SH3KBP1: variants seen among roughly 807,000 people sequenced by gnomAD.
SH3KBP1 encodes SH3 domain-containing kinase-binding protein 1.
A neutral mutation model predicts 50.1 loss-of-function variants in SH3KBP1; 8 were observed. The observed-to-expected ratio is 0.16, with a 90% confidence interval of 0.09 to 0.29. The LOEUF (loss-of-function observed/expected upper bound fraction) is 0.29. SH3KBP1 is among the 10% of genes least tolerant of loss of function. The pLI, the probability that SH3KBP1 is intolerant of heterozygous loss-of-function variation, is 1.00. For synonymous variants in SH3KBP1, 227 were observed against 218.6 expected (o/e 1.04, Z -0.34); for missense variants, 377 against 535.2 (o/e 0.70, Z 2.92).
At chrX:19,551,764 T>C (rs1239697421) in intron 13 of SH3KBP1, among the ~76,000 whole-genome samples, 1 of 109,739 alleles carries the variant, frequency 9.1e-6, no homozygotes, top group African/African-American at 3.3e-5. Context: ...TAAAAGGTTC[T>C]CCTCCAGACT....
chrX:19,620,451 G>T (rs981719854), intron 8 of SH3KBP1, among the ~76,000 whole-genome samples: 1 of 112,420 alleles, frequency 8.9e-6, no homozygotes, highest in African/African-American at 3.2e-5. Context: ...ATATTTCTTA[G>T]CCTGAAAACT....
chrX:19,812,657 C>T (rs1268653250), intron 2 of SH3KBP1, among the ~76,000 whole-genome samples: 1 of 83,295 alleles, frequency 1.2e-5, no homozygotes, highest in Non-Finnish European at 2.2e-5. Flanking sequence ...AGTGAGACCC[C>T]GTCTCTACAA....
chrX:19,587,780 A>G (rs2066615455), intron 12 of SH3KBP1, among the ~76,000 whole-genome samples: 1 of 112,261 alleles, frequency 8.9e-6, no homozygotes. Context: ...TGTGAAGCCC[A>G]TGCAACTTTC....
intron 2 of SH3KBP1, among the ~76,000 whole-genome samples, chrX:19,797,506 G>A (rs1183620925): frequency 8.9e-6 from 1 of 111,930 alleles, no homozygotes; most frequent in African/African-American, 3.3e-5. Context: ...CCATAGAAAA[G>A]AAAGTGGATT....
At chrX:19,537,436 T>G (rs1172057159) in intron 17 of SH3KBP1, among the ~76,000 whole-genome samples, 1 of 99,602 alleles carries the variant, frequency 1.0e-5, no homozygotes, top group Non-Finnish European at 2.0e-5. Context: ...CCAGCCTGGG[T>G]CACAGAGCGA....
intron 14 of SH3KBP1, among the ~76,000 whole-genome samples, chrX:19,546,690 C>A (rs1262236304): frequency 8.9e-6 from 1 of 112,325 alleles, no homozygotes; most frequent in Non-Finnish European, 1.9e-5. Flanking sequence ...GCTCATATCT[C>A]CTTTGGTACC....
chrX:19,739,632 AG>A (rs1416626744), intron 3 of SH3KBP1, among the ~76,000 whole-genome samples: 1 of 109,683 alleles, frequency 9.1e-6, no homozygotes, highest in African/African-American at 3.3e-5. Context: ...AGATAGAACA[AG>A]GATCAGGACA....
intron 2 of SH3KBP1, among the ~76,000 whole-genome samples, chrX:19,794,628 G>T (rs867072385): frequency 8.2e-5 from 9 of 109,667 alleles, no homozygotes; most frequent in African/African-American, 3.0e-4. Context: ...GCATGAACTC[G>T]GGAGGCAGAG....
intron 3 of SH3KBP1, among the ~76,000 whole-genome samples, chrX:19,725,559 G>T (rs890932318): frequency 2.7e-5 from 3 of 111,710 alleles, no homozygotes; most frequent in Non-Finnish European, 5.7e-5. Flanking sequence ...ACCACATAGG[G>T]ACAGTTGGGG....
chrX:19,738,692 T>C (rs1444908275), intron 3 of SH3KBP1, among the ~76,000 whole-genome samples: 1 of 55,794 alleles, frequency 1.8e-5, no homozygotes, highest in Admixed American at 2.5e-4. Context: ...ATGTCAGCAA[T>C]GCAAAAAAAA....
Position 19,643,300 on chromosome X carries a change from A to ATTTTTTTTTTTTTTTTTTT in SH3KBP1, c.802+2099_802+2100insAAAAAAAAAAAAAAAAAAA, listed in dbSNP as rs201544483. Among the ~76,000 whole-genome samples, 10 of 86,887 alleles carry ATTTTTTTTTTTTTTTTTTT rather than the reference A, an allele frequency of 1.2e-4. 2 individuals are homozygous for ATTTTTTTTTTTTTTTTTTT. Among genetic ancestry groups the ATTTTTTTTTTTTTTTTTTT allele is most frequent in the African/African-American group, 4.6e-4 (8 of 17,420 alleles). 75.5% of individuals were successfully genotyped at this position (86,887 alleles called of 115,157 possible). A position where few individuals can be genotyped will look rare whatever the true frequency, so the allele number is the denominator to read the frequency against. ...AGTGTGTGTGGGCTGAAACTGAAGA[A>ATTTTTTTTTTTTTTTTTTT]TTTTTTATTTTTTTTTTTTTTATTT... On this transcript the variant is annotated intron_variant, in intron 7 of 17. Coordinates refer to ENST00000397821, the MANE Select transcript of SH3KBP1 (RefSeq NM_031892.3).
intron 6 of SH3KBP1, chrX:19,664,610 T>C (rs976191037): frequency 2.7e-5 from 3 of 111,748 alleles, no homozygotes; most frequent in African/African-American, 3.3e-5. Flanking sequence ...CGTACGAAAA[T>C]AATACCAAAA....
chrX:19,863,202 C>CTT (rs760490027), intron 1 of SH3KBP1, among the ~76,000 whole-genome samples: 3 of 108,057 alleles, frequency 2.8e-5, no homozygotes, highest in Admixed American at 2.0e-4. Flanking sequence ...AGTGTGCTCT[C>CTT]TTTTTTTTTT....
Position 19,683,490 on chromosome X carries a change from A to G in SH3KBP1, c.726+333T>C. 3.0e-5 allele frequency: 10 copies of G among 338,452 alleles called. No individual in the cohort carries two copies. In the South Asian group the frequency reaches 3.0e-4, roughly 10 times the overall value. 27.9% of individuals were successfully genotyped at this position (338,452 alleles called of 1,213,427 possible). On this transcript the variant is annotated intron_variant, in intron 6 of 17. Transcript: ENST00000397821. ...CGGAGAGAGATTGGCCAGTGTCTGA[A>G]AAGTGTCAGGGTCATGCACTTAGGC...
At chrX:19,715,110 T>C (rs2063875614) in intron 3 of SH3KBP1, among the ~76,000 whole-genome samples, 1 of 109,984 alleles carries the variant, frequency 9.1e-6, no homozygotes, top group Non-Finnish European at 1.9e-5. Context: ...TTCGTCTCTA[T>C]AAAAAATGAA....
chrX:19,782,127 T>C (rs1024934419), intron 2 of SH3KBP1, among the ~76,000 whole-genome samples: 2 of 111,455 alleles, frequency 1.8e-5, no homozygotes, highest in African/African-American at 6.5e-5. Context: ...CATTCTGGAT[T>C]ATCCTGGGGG....
chrX:19,591,682 A>G (rs1311987637), intron 11 of SH3KBP1, among the ~76,000 whole-genome samples: 1 of 112,166 alleles, frequency 8.9e-6, no homozygotes, highest in Non-Finnish European at 1.9e-5. Context: ...CCATCCATCA[A>G]CAGTGAATGA....
chrX:19,775,103 T>C (rs2065934170), intron 2 of SH3KBP1, among the ~76,000 whole-genome samples: 1 of 111,560 alleles, frequency 9.0e-6, no homozygotes, highest in Non-Finnish European at 1.9e-5. Flanking sequence ...CAGGGGACTT[T>C]ATCAGACTGG....
intron 2 of SH3KBP1, chrX:19,799,639 C>CA: frequency 1.7e-6 from 2 of 1,209,932 alleles, no homozygotes; most frequent in South Asian, 3.5e-5. Context: ...CTTACAATCT[C>CA]AGACAAGTCT....
Sources: allele counts gnomAD v4.1 joint callset (sites outside exome capture counted in the v4.1 genomes callset), GRCh38; gene constraint gnomAD v4.1.1; transcripts MANE v1.5; gene names NCBI Gene and HGNC (gene_info 2026-07-23, HGNC 2026-07-21).